Variants in NCKAP5 observed in about 807,000 individuals in gnomAD.
NCKAP5 encodes nck-associated protein 5.
NCKAP5 carries 92 observed loss-of-function variants against 167.0 expected under a neutral mutation model. The observed-to-expected ratio is 0.55, with a 90% CI of 0.47 to 0.66. The LOEUF (loss-of-function observed/expected upper bound fraction) is 0.66. Among genes scored for constraint, NCKAP5 ranks in the 30% least tolerant of loss-of-function variants. The probability of loss-of-function intolerance (pLI) is 0.00; values close to 1 mark genes in which losing one functional copy is unlikely to be tolerated. For synonymous variants in NCKAP5, 891 were observed against 877.4 expected (o/e 1.02, Z -0.27); for missense variants, 2,378 against 2,315.0 (o/e 1.03, Z -0.56).
At chr2:133,609,317 G>A in the NCKAP5 span, among the ~76,000 whole-genome samples, 13 of 152,172 alleles carry the variant, frequency 8.5e-5, no homozygotes, top group Admixed American at 3.9e-4. Context: ...GAAGGCACAT[G>A]GCAAATGTTT....
chr2:133,510,372 T>C (rs1361436186), intron 3 of NCKAP5, among the ~76,000 whole-genome samples: 1 of 147,604 alleles, frequency 6.8e-6, no homozygotes, highest in Non-Finnish European at 1.5e-5. Context: ...AAATTGTATA[T>C]ATATGGGTAT....
chr2:133,377,346 GA>G (rs1245964512), intron 3 of NCKAP5, among the ~76,000 whole-genome samples: 1 of 152,200 alleles, frequency 6.6e-6, no homozygotes, highest in African/African-American at 2.4e-5. Context: ...AGTGGATTCT[GA>G]AAAGCATACA....
intron 12 of NCKAP5, among the ~76,000 whole-genome samples, chr2:132,794,257 TATATATAG>T (rs1167768320): frequency 9.0e-4 from 37 of 40,954 alleles, no homozygotes; most frequent in South Asian, 3.0e-3. Context: ...TATATATATA[TATATATAG>T]AGAGAGAGAG....
At chr2:132,848,245 A>C (rs564895196) in intron 11 of NCKAP5, among the ~76,000 whole-genome samples, 16 of 152,302 alleles carry the variant, frequency 1.1e-4, no homozygotes, top group Admixed American at 3.9e-4. Context: ...TAAGTCAGCG[A>C]GTTATTTTTT....
rs1169412951 is a variant in NCKAP5 at position 132,784,688 on chromosome 2, T to C, written c.2123A>G (p.Glu708Gly). The change falls in exon 14 of 20, where the codon GAA becomes GGA. Residue 708 changes from glutamate (E) to glycine (G), a missense_variant. Physicochemically the swap from Glu to Gly is moderately conservative, Grantham distance 98 (BLOSUM62 -2). This residue lies in a region of NCKAP5 where 1,049 missense variants were observed against 1,023.4 expected (regional missense o/e 1.02). Coordinates refer to ENST00000409261, the MANE Select transcript of NCKAP5 (RefSeq NM_207363.3). ...INSTPAGPKAEHTELLPQGIA... is the reference protein window; with the variant it reads ...INSTPAGPKAGHTELLPQGIA... ...TCCCTGAGGTAAAAGCTCAGTATGT[T>C]CTGCCTTGGGTCCAGCAGGAGTTGA... The C allele has an allele frequency of 1.9e-6, 3 of 1,614,014 alleles. No homozygotes were observed. In the East Asian group the frequency reaches 6.7e-5, roughly 36 times the overall value.
the NCKAP5 span, among the ~76,000 whole-genome samples, chr2:133,602,815 C>T: frequency 3.2e-4 from 49 of 152,222 alleles, no homozygotes; most frequent in Admixed American, 1.1e-3. Flanking sequence ...TTGCGAAGGA[C>T]GGAAAGGGCC....
intron 2 of NCKAP5, among the ~76,000 whole-genome samples, chr2:133,553,928 G>C (rs951187581): frequency 6.6e-6 from 1 of 152,166 alleles, no homozygotes; most frequent in Non-Finnish European, 1.5e-5. Flanking sequence ...GCAGAGCTTA[G>C]CTGGAACCTC....
intron 11 of NCKAP5, among the ~76,000 whole-genome samples, chr2:132,858,108 A>C (rs1689610010): frequency 6.7e-6 from 1 of 150,190 alleles, no homozygotes; most frequent in Non-Finnish European, 1.5e-5. Context: ...AATAATAACT[A>C]ATGCAGCCTT....
intron 3 of NCKAP5, among the ~76,000 whole-genome samples, chr2:133,470,571 T>C (rs1013616712): frequency 3.9e-5 from 6 of 152,230 alleles, no homozygotes; most frequent in African/African-American, 1.4e-4. Flanking sequence ...TTTGTTTACC[T>C]AATCAAGGCT....
At chr2:133,184,678 A>G (rs2084870877) in intron 5 of NCKAP5, among the ~76,000 whole-genome samples, 1 of 152,224 alleles carries the variant, frequency 6.6e-6, no homozygotes, top group Non-Finnish European at 1.5e-5. Context: ...GTGAGATGGT[A>G]TCTTACTGTG....
At chr2:133,381,006 A>T (rs1194401808) in intron 3 of NCKAP5, among the ~76,000 whole-genome samples, 1 of 152,224 alleles carries the variant, frequency 6.6e-6, no homozygotes, top group African/African-American at 2.4e-5. Flanking sequence ...ATCCCACAAA[A>T]TTGTTGGAAA....
chr2:133,281,575 T>A (rs1337820193), intron 4 of NCKAP5, among the ~76,000 whole-genome samples: 1 of 152,150 alleles, frequency 6.6e-6, no homozygotes, highest in Non-Finnish European at 1.5e-5. Context: ...AAAGCTGAAA[T>A]TGATACCTAC....
At chr2:132,878,682 C>T (rs1324516271) in intron 9 of NCKAP5, among the ~76,000 whole-genome samples, 166 bp downstream of exon 9, 3 of 150,720 alleles carry the variant, frequency 2.0e-5, no homozygotes, top group African/African-American at 4.9e-5. Flanking sequence ...ACACACCGCC[C>T]ACACACACAC....
intron 16 of NCKAP5, among the ~76,000 whole-genome samples, chr2:132,765,104 C>T (rs1459806329): frequency 6.6e-6 from 1 of 152,018 alleles, no homozygotes. Flanking sequence ...TGTTGGTGAC[C>T]AATTACGTAT....
At chr2:133,228,497 G>T (rs1559293288) in intron 4 of NCKAP5, among the ~76,000 whole-genome samples, 3 of 152,050 alleles carry the variant, frequency 2.0e-5, no homozygotes, top group Admixed American at 6.6e-5. Context: ...TTTATATTAA[G>T]CACATTCTTC....
chr2:132,688,985 C>CA (rs34015551), intron 19 of NCKAP5, among the ~76,000 whole-genome samples: 35,768 of 66,196 alleles, frequency 0.54, 9,324 homozygotes, highest in African/African-American at 0.57. Flanking sequence ...GACACCAACT[C>CA]AAAAAAAAAA....
the NCKAP5 span, among the ~76,000 whole-genome samples, chr2:133,622,000 G>A: frequency 6.6e-6 from 1 of 152,014 alleles, no homozygotes; most frequent in Non-Finnish European, 1.5e-5. Context: ...CAGTAAATGT[G>A]ATTCTCCACA....
chr2:133,091,070 C>T (rs1304422895), intron 6 of NCKAP5, among the ~76,000 whole-genome samples: 1 of 152,184 alleles, frequency 6.6e-6, no homozygotes, highest in Admixed American at 6.5e-5. Context: ...CCCATTCATG[C>T]TCTCTTCCTC....
intron 3 of NCKAP5, among the ~76,000 whole-genome samples, chr2:133,375,537 C>T (rs1686084387): frequency 6.6e-6 from 1 of 152,184 alleles, no homozygotes; most frequent in African/African-American, 2.4e-5. Flanking sequence ...TATTTCATCA[C>T]ACAGGTATTA....
Sources: gnomAD v4.1 joint callset for allele counts (sites outside exome capture counted in the v4.1 genomes callset) on GRCh38, gnomAD v4.1.1 for gene constraint, gnomAD v4.1.1 regional missense constraint, MANE v1.5 for transcripts, NCBI Gene and HGNC (gene_info 2026-07-23, HGNC 2026-07-21) for gene names.